The following ESRP1 variants were observed in gnomAD, a reference collection of about 807,000 sequenced individuals.
The protein encoded by ESRP1 is RNA-binding motif protein 35A.
Under a neutral mutation model 81.7 loss-of-function variants are expected in ESRP1, and 33 were observed. The ratio of observed to expected loss-of-function variants is 0.40; its 90% CI spans 0.31 to 0.54. ESRP1 has a LOEUF of 0.54. ESRP1 is among the 20% of genes least tolerant of loss of function. ESRP1 has a pLI of 0.41. For missense variants in ESRP1, 672 were observed against 833.1 expected, an observed-to-expected ratio of 0.81 and a Z score of 2.38; for synonymous variants, 320 against 303.3, an observed-to-expected ratio of 1.06 and a Z score of -0.57.
At chr8:94,683,345 C>CT (rs2130685070) in intron 13 of ESRP1, among the ~76,000 whole-genome samples, 2 of 152,178 alleles carry the variant, frequency 1.3e-5, no homozygotes, top group South Asian at 4.1e-4. Flanking sequence ...GTAGTTGAAC[C>CT]AGAAGAATAC....
At chr8:94,657,255 G>A (rs1385402442) in intron 4 of ESRP1, among the ~76,000 whole-genome samples, 1 of 152,216 alleles carries the variant, frequency 6.6e-6, no homozygotes, top group East Asian at 1.9e-4. Context: ...CTTGAGGGCA[G>A]AATGAGTAAG....
At chr8:94,670,833 A>C (rs968804864) in intron 10 of ESRP1, among the ~76,000 whole-genome samples, 2 of 152,336 alleles carry the variant, frequency 1.3e-5, no homozygotes, top group Admixed American at 1.3e-4. Flanking sequence ...CTAAACTACT[A>C]TTCATCTTTA....
chr8:94,685,802 C>T (rs1280216735), intron 13 of ESRP1, among the ~76,000 whole-genome samples: 1 of 149,580 alleles, frequency 6.7e-6, no homozygotes, highest in African/African-American at 2.4e-5. Context: ...AAAAAACCAA[C>T]AAAAACAAAA....
At chr8:94,643,509 C>A in intron 3 of ESRP1, 93 bp downstream of exon 3, 1 of 735,066 alleles carries the variant, frequency 1.4e-6, no homozygotes, top group Non-Finnish European at 2.3e-6. Flanking sequence ...TTTCTCTGTT[C>A]TTAAAAAGAT....
rs781070206 is a variant in ESRP1 at position 94,665,165 on chromosome 8, A to C, written c.900A>C (p.Ala300=). ...CTGTCTTTTCTCAGGTTTACAAAGC[A>C]ACAGGTGAAGATTTCCTTAAAATTG... ...MGTRYIEVYK[A]TGEDFLKIAG... Residue 300 remains alanine (A), a synonymous_variant, in exon 9 of 16, where the codon GCA becomes GCC. Coordinates refer to ENST00000433389, the MANE Select transcript of ESRP1 (RefSeq NM_017697.4). The C allele has an allele frequency of 6.2e-7, 1 of 1,613,574 alleles. No homozygotes were observed. The highest frequency in any genetic ancestry group is 8.5e-7 in the Non-Finnish European group (1 of 1,179,736).
intron 14 of ESRP1, among the ~76,000 whole-genome samples, chr8:94,694,064 A>T (rs1809503532): frequency 6.6e-6 from 1 of 152,226 alleles, no homozygotes; most frequent in Non-Finnish European, 1.5e-5. Context: ...AGATTATAAA[A>T]GGAAGATTTT....
At chr8:94,678,498 G>C in intron 13 of ESRP1, 127 bp downstream of exon 13, 1 of 1,092,520 alleles carries the variant, frequency 9.2e-7, no homozygotes, top group Non-Finnish European at 1.3e-6. Context: ...ACAGCCTCTG[G>C]TCATATCTCT....
At chr8:94,646,675 G>A (rs1278380541) in intron 4 of ESRP1, among the ~76,000 whole-genome samples, 1 of 151,968 alleles carries the variant, frequency 6.6e-6, no homozygotes, top group Admixed American at 6.6e-5. Context: ...TTTTTTAATT[G>A]GTGGATATAT....
Position 94,668,008 on chromosome 8 carries a change from C to T in ESRP1, c.991C>T (p.Arg331Trp). The T allele has an allele frequency of 1.9e-6, 3 of 1,613,072 alleles. No individual in the cohort carries two copies. Among genetic ancestry groups the T allele is most frequent in the Non-Finnish European group, 2.5e-6 (3 of 1,179,330 alleles). ...GGAAAATCAAGTCATTGTCCGCATGCGGGGGCTCCCTTTCACGGCCACAGC... is the reference window on the plus strand; with the variant it reads ...GGAAAATCAAGTCATTGTCCGCATGTGGGGGCTCCCTTTCACGGCCACAGC... ...SKENQVIVRM[R>W]GLPFTATAEE... The change falls in exon 10 of 16, where the codon CGG becomes TGG. Residue 331 changes from arginine (R) to tryptophan (W), a missense_variant. Coordinates refer to ENST00000433389, the MANE Select transcript of ESRP1 (RefSeq NM_017697.4).
At position 94,642,039 on chromosome 8, in the gene ESRP1, C is replaced by G; in HGVS notation, c.216C>G (p.Val72=). 6.2e-7 allele frequency: 1 copy of G among 1,613,772 alleles called. No individual in the cohort carries two copies. The highest frequency in any genetic ancestry group is 8.5e-7 in the Non-Finnish European group (1 of 1,179,876). ...GCAAAGAAGAAACTAAAATAGACGT[C>G]GAAAGCCTGTCCTCGGCGTCGCAGC... is the stretch of plus-strand genomic sequence containing the variant. ...EDCKEETKID[V]ESLSSASQLD... The change falls in exon 2 of 16, where the codon GTC becomes GTG. Residue 72 remains valine (V), a synonymous_variant. Coordinates refer to ENST00000433389, the MANE Select transcript of ESRP1 (RefSeq NM_017697.4).
intron 10 of ESRP1, among the ~76,000 whole-genome samples, chr8:94,670,128 T>A (rs1239486607): frequency 1.3e-5 from 2 of 152,180 alleles, no homozygotes; most frequent in Non-Finnish European, 2.9e-5. Context: ...GATTCTACTA[T>A]GAGTTGCTTT....
In ESRP1 at chr8:94,674,406, T is replaced by C. The variant is rs1819489783; in HGVS notation, c.1551T>C (p.Tyr517=). ...ATAAAAAAAACATGAAGGACAGATA[T>C]GTTGAAGTCTTTCAGTGTTCAGCTG... ...KCHKKNMKDR[Y]VEVFQCSAEE... is the part of the protein sequence containing the mutation. Residue 517 remains tyrosine (Y), a synonymous_variant, in exon 12 of 16, where the codon TAT becomes TAC. Transcript: ENST00000433389. 6.2e-7 allele frequency: 1 copy of C among 1,613,988 alleles called. No individual in the cohort carries two copies. The highest frequency in any genetic ancestry group is 2.2e-5 in the East Asian group (1 of 44,888).
chr8:94,678,709 A>G (rs1808740592), intron 13 of ESRP1, among the ~76,000 whole-genome samples: 1 of 152,246 alleles, frequency 6.6e-6, no homozygotes, highest in Non-Finnish European at 1.5e-5. Context: ...GAAAATTCAT[A>G]ACAGGAACAA....
Position 94,671,654 on chromosome 8 carries a change from A to G in ESRP1, c.1435A>G (p.Met479Val), listed in dbSNP as rs370136634. 6.0e-5 allele frequency: 97 copies of G among 1,613,560 alleles called. No homozygotes were observed. The highest frequency in any genetic ancestry group is 5.3e-5 in the Non-Finnish European group (62 of 1,179,752). The change falls in exon 11 of 16, where the codon ATG (methionine) becomes GTG (valine). Residue 479 changes from methionine to valine, a missense_variant. Transcript: ENST00000433389. ...ATDIRTHGVH[M>V]VLNHQGRPSG... ...AGATATTCGTACTCATGGGGTTCAC[A>G]TGGTTTTGAATCACCAGGTAAGAAA...
intron 6 of ESRP1, 37 bp from the exon 7 acceptor site, chr8:94,664,660 A>G (rs1465992172): frequency 1.3e-6 from 2 of 1,506,450 alleles, no homozygotes; most frequent in African/African-American, 2.8e-5. Context: ...ACTTGCTAGC[A>G]TTTATCATGC....
rs1429292401 is a variant in ESRP1, at chr8:94,674,499, G to A, written c.1644G>A (p.Lys548=). Residue 548 remains lysine, a synonymous_variant, in exon 12 of 16, where the codon AAG becomes AAA. Coordinates refer to ENST00000433389, the MANE Select transcript of ESRP1 (RefSeq NM_017697.4). ...NRNGLSPPPC[K]LPCLSPPSYT... The stretch of plus-strand genomic sequence containing the variant: ...ATGGCTTATCCCCACCGCCATGTAA[G>A]TTACCATGTAAGTTTTTCTTGGGTC... 6.2e-7 allele frequency: 1 copy of A among 1,612,102 alleles called. No individual in the cohort carries two copies. The highest frequency in any genetic ancestry group is 8.5e-7 in the Non-Finnish European group (1 of 1,179,064).
At chr8:94,679,223 AT>A (rs1808766905) in intron 13 of ESRP1, among the ~76,000 whole-genome samples, 1 of 152,266 alleles carries the variant, frequency 6.6e-6, no homozygotes, top group Non-Finnish European at 1.5e-5. Context: ...TTTTTAAAAC[AT>A]TAATGCTATT....
chr8:94,696,898 C>T lies in ESRP1; in HGVS notation c.2018C>T (p.Thr673Ile). 2 of 1,595,128 alleles carry T rather than the reference C, an allele frequency of 1.3e-6. No individual in the cohort carries two copies. Among genetic ancestry groups the T allele is most frequent in the East Asian group, 2.2e-5 (1 of 44,544 alleles). Residue 673 changes from threonine (T) to isoleucine (I), a missense_variant, in exon 15 of 16, where the codon ACT becomes ATT. Coordinates refer to ENST00000433389, the MANE Select transcript of ESRP1 (RefSeq NM_017697.4). ...ATACACACAAATGACCAGGCCAGGA[C>T]TCTACCCAAAGAATGGGTTTGTATT... The part of the protein sequence containing the change: ...GLIHTNDQAR[T>I]LPKEWVCI
chr8:94,653,403 T>G (rs1285815971), intron 4 of ESRP1, among the ~76,000 whole-genome samples: 2 of 152,158 alleles, frequency 1.3e-5, no homozygotes, highest in East Asian at 3.8e-4. Flanking sequence ...GTAAGACTAT[T>G]GTATAAGGAT....
Sources: allele counts gnomAD v4.1 joint callset (sites outside exome capture counted in the v4.1 genomes callset), GRCh38; gene constraint gnomAD v4.1.1; transcripts MANE v1.5; gene names NCBI Gene and HGNC (gene_info 2026-07-23, HGNC 2026-07-21).